The following DLGAP2 variants were observed in gnomAD, a reference collection of about 807,000 sequenced individuals.
The protein encoded by DLGAP2 is DLG associated protein 2, also known as disks large-associated protein 2.
In DLGAP2, 26 loss-of-function variants were observed where a neutral mutation model predicts 100.3. The observed-to-expected ratio is 0.26, with a 90% CI of 0.19 to 0.36. The LOEUF is 0.36. Among genes scored for constraint, DLGAP2 ranks in the 10% least tolerant of loss-of-function variants. The probability of loss-of-function intolerance (pLI) is 1.00; values close to 1 mark genes in which losing one functional copy is unlikely to be tolerated. For synonymous variants in DLGAP2, 886 were observed against 630.1 expected, an observed-to-expected ratio of 1.41 and a Z score of -6.08; for missense variants, 1,858 against 1,453.2, an observed-to-expected ratio of 1.28 and a Z score of -4.53.
intron 2 of DLGAP2, among the ~76,000 whole-genome samples, chr8:1,252,539 G>GTGTTGTGTTGTCT (rs1229174036): frequency 2.6e-5 from 4 of 152,256 alleles, no homozygotes; most frequent in Admixed American, 2.0e-4. Flanking sequence ...GTCACGTGGT[G>GTGTTGTGTTGTCT]TGTTGTGTTG....
At chr8:1,188,533 C>T (rs1797565421) in intron 2 of DLGAP2, among the ~76,000 whole-genome samples, 1 of 150,738 alleles carries the variant, frequency 6.6e-6, no homozygotes, top group African/African-American at 2.5e-5. Context: ...TGACGTTTCC[C>T]TCACGGAATC....
chr8:1,291,621 A>C (rs917903811), intron 3 of DLGAP2, among the ~76,000 whole-genome samples: 1 of 152,134 alleles, frequency 6.6e-6, no homozygotes, highest in African/African-American at 2.4e-5. Flanking sequence ...CCTATCTTTA[A>C]AATTACGGGA....
At chr8:1,012,414 C>T (rs891214467) in intron 2 of DLGAP2, among the ~76,000 whole-genome samples, 15 of 152,256 alleles carry the variant, frequency 9.9e-5, no homozygotes, top group Admixed American at 3.9e-4. Context: ...GGCTGCTGCG[C>T]GAGCGAGGAT....
intron 2 of DLGAP2, among the ~76,000 whole-genome samples, chr8:1,177,370 G>A (rs1027686063): frequency 6.6e-6 from 1 of 151,992 alleles, no homozygotes; most frequent in Non-Finnish European, 1.5e-5. Context: ...TTACCAGATC[G>A]AAAAATGTGT....
intron 2 of DLGAP2, among the ~76,000 whole-genome samples, chr8:1,041,669 G>T (rs1205010349): frequency 1.6e-4 from 12 of 73,560 alleles, no homozygotes; most frequent in Non-Finnish European, 1.6e-4. Flanking sequence ...TGTTCTCCGA[G>T]CCCCTTGCCG....
At chr8:1,047,164 TG>T (rs1392535654) in intron 2 of DLGAP2, among the ~76,000 whole-genome samples, 1 of 152,228 alleles carries the variant, frequency 6.6e-6, no homozygotes, top group Non-Finnish European at 1.5e-5. Context: ...CCCCAGACCC[TG>T]GAAAACACCA....
At chr8:1,315,930 C>T (rs1420119195) in intron 3 of DLGAP2, among the ~76,000 whole-genome samples, 30 of 136,062 alleles carry the variant, frequency 2.2e-4, no homozygotes, top group African/African-American at 7.4e-4. Context: ...TGTGCGAGTG[C>T]AGCCTCTCTC....
chr8:1,074,995 A>G (rs904284009), intron 2 of DLGAP2, among the ~76,000 whole-genome samples: 5 of 151,110 alleles, frequency 3.3e-5, no homozygotes, highest in African/African-American at 9.9e-5. Context: ...TGTCTCACCA[A>G]CAAACAGTGC....
intron 2 of DLGAP2, among the ~76,000 whole-genome samples, chr8:1,054,599 C>T (rs368418922): frequency 9.2e-5 from 14 of 151,934 alleles, no homozygotes; most frequent in East Asian, 3.9e-4. Context: ...TAAAACATGC[C>T]CAGTAATTTA....
rs1173555053 is a variant in DLGAP2 at position 1,443,954 on chromosome 8, G to C, written c.107-57412G>C. ...AGCAATAACTTTAGCTCTATAACAA[G>C]ACAGAGCTGTGACTTAAGCTTTCTA... On this transcript the variant is annotated intron_variant, in intron 3 of 14. Coordinates refer to ENST00000637795, the MANE Select transcript of DLGAP2 (RefSeq NM_001346810.2). Among the ~76,000 whole-genome samples the C allele has an allele frequency of 3.9e-5, 6 of 152,170 alleles. No individual in the cohort carries two copies. In the East Asian group the frequency reaches 1.2e-3, roughly 29 times the overall value.
chr8:1,668,569 G>A lies in DLGAP2; in HGVS notation c.2051G>A (p.Arg684His), dbSNP rs753387748. The change falls in exon 9 of 15, where the codon CGC (arginine) becomes CAC (histidine). Residue 684 changes from arginine to histidine, a missense_variant. Coordinates refer to ENST00000637795, the MANE Select transcript of DLGAP2 (RefSeq NM_001346810.2). ...NLALETAAAQRHLPESQSSSV... is the reference protein window; with the variant it reads ...NLALETAAAQHHLPESQSSSV... ...GCGCTGGAAACGGCCGCTGCCCAGC[G>A]CCACCTGCCAGAGAGCCAGAGCAGC... is the stretch of plus-strand genomic sequence containing the variant. 6 of 1,591,500 alleles carry A rather than the reference G, an allele frequency of 3.8e-6. No homozygotes were observed. Among genetic ancestry groups the A allele is most frequent in the African/African-American group, 1.3e-5 (1 of 74,318 alleles).
At chr8:824,275 C>T (rs1361703323) in intron 1 of DLGAP2, among the ~76,000 whole-genome samples, 1 of 151,808 alleles carries the variant, frequency 6.6e-6, no homozygotes, top group African/African-American at 2.4e-5. Context: ...GGGGTTTTGC[C>T]ATGTTGCCCA....
chr8:1,412,654 G>C (rs763342571), intron 3 of DLGAP2, among the ~76,000 whole-genome samples: 2 of 152,172 alleles, frequency 1.3e-5, no homozygotes, highest in African/African-American at 4.8e-5. Flanking sequence ...CCACTGTGAA[G>C]ATCACAGGCT....
Position 1,703,820 on chromosome 8 carries a change from T to C in DLGAP2, c.*2414T>C, listed in dbSNP as rs942578905. The C allele has an allele frequency of 5.2e-5, 8 of 152,626 alleles. No homozygotes were observed. Among genetic ancestry groups the C allele is most frequent in the Non-Finnish European group, 1.0e-4 (7 of 68,032 alleles). The allele number at this position is 152,626 out of a possible 1,614,324, so 9.5% of individuals were successfully genotyped here. On this transcript the variant is annotated 3_prime_UTR_variant, in exon 15 of 15. Coordinates refer to ENST00000637795, the MANE Select transcript of DLGAP2 (RefSeq NM_001346810.2). ...TTTTCAATCCCCAAAAGTCTTGGCC[T>C]AAACCATCCCTAGGGGAGCAGATTA...
chr8:1,556,093 C>A (rs141578156), intron 5 of DLGAP2, among the ~76,000 whole-genome samples: 1 of 152,218 alleles, frequency 6.6e-6, no homozygotes, highest in African/African-American at 2.4e-5. Context: ...GGTGCAGAAA[C>A]CTTGTGACCT....
intron 2 of DLGAP2, among the ~76,000 whole-genome samples, chr8:936,534 G>A (rs989382077): frequency 1.5e-4 from 23 of 152,342 alleles, no homozygotes; most frequent in African/African-American, 5.5e-4. Context: ...CTGCTGGGGT[G>A]TAGAGATCTT....
At chr8:1,191,391 T>C (rs111399333) in intron 2 of DLGAP2, among the ~76,000 whole-genome samples, 6,415 of 152,194 alleles carry the variant, frequency 0.042, 163 homozygotes, top group South Asian at 0.072. Flanking sequence ...AGGATGGTCT[T>C]GATCTCCTGA....
Position 1,207,428 on chromosome 8 carries a change from A to G in DLGAP2, c.74-51423A>G, listed in dbSNP as rs574590389. 2.6e-5 allele frequency among the ~76,000 whole-genome samples: 4 copies of G among 152,280 alleles called. No individual in the cohort carries two copies. The South Asian group carries it at 8.3e-4, about 32-fold the overall frequency. ...ATTATTTTGTTCCTTTTTTTGGCTG[A>G]GTAGTATTCCATGGTATATATATAC... On this transcript the variant is annotated intron_variant, in intron 2 of 14. Transcript: ENST00000637795.
intron 1 of DLGAP2, among the ~76,000 whole-genome samples, chr8:852,450 G>A (rs145328773): frequency 6.6e-6 from 1 of 152,284 alleles, no homozygotes; most frequent in African/African-American, 2.4e-5. Flanking sequence ...TCTTTTGTCC[G>A]TCTTTTATCT....
Sources: allele counts gnomAD v4.1 joint callset (sites outside exome capture counted in the v4.1 genomes callset), GRCh38; gene constraint gnomAD v4.1.1; transcripts MANE v1.5; gene names NCBI Gene and HGNC (gene_info 2026-07-23, HGNC 2026-07-21).